Variants in CACNA2D4 observed in about 807,000 individuals in gnomAD.
CACNA2D4 encodes the protein calcium voltage-gated channel auxiliary subunit alpha2delta 4.
In CACNA2D4, 157 loss-of-function variants were observed where a neutral mutation model predicts 163.8. That is an observed-to-expected ratio of 0.96 (90% confidence interval 0.84 to 1.09). CACNA2D4 has a LOEUF of 1.09. CACNA2D4 is among the 50% of genes least tolerant of loss of function. CACNA2D4 has a pLI of 0.00. For missense variants in CACNA2D4, 1,410 were observed against 1,479.9 expected, an observed-to-expected ratio of 0.95 and a Z score of 0.78; for synonymous variants, 598 against 586.9, an observed-to-expected ratio of 1.02 and a Z score of -0.27.
At chr12:1,822,958 C>A (rs1217662353) in intron 26 of CACNA2D4, among the ~76,000 whole-genome samples, 1 of 152,214 alleles carries the variant, frequency 6.6e-6, no homozygotes. Flanking sequence ...ACGGCCCCTG[C>A]AGGCCCAGGG....
rs1271862376 is a variant in CACNA2D4, at chr12:1,799,596, A to G, written c.2995+79T>C. ...CTTGGGGTCATTCCTGGGACAGGTC[A>G]TGGAGGGTGGGTTCTTTGTAGCTCC... On this transcript the variant is annotated intron_variant, in intron 34 of 37. Transcript: ENST00000382722. The surrounding 1 kb of genome is among the most constrained non-coding windows in gnomAD (Gnocchi z 4.7). The G allele has an allele frequency of 6.9e-7, 1 of 1,452,122 alleles. No homozygotes were observed. The highest frequency in any genetic ancestry group is 9.5e-7 in the Non-Finnish European group (1 of 1,057,298). 90.0% of individuals were successfully genotyped at this position (1,452,122 alleles called of 1,614,324 possible). A position where few individuals can be genotyped will look rare whatever the true frequency, so the allele number is the denominator to read the frequency against.
At chr12:1,906,529 C>T (rs1218857575) in intron 6 of CACNA2D4, among the ~76,000 whole-genome samples, 6 of 152,154 alleles carry the variant, frequency 3.9e-5, no homozygotes, top group African/African-American at 9.7e-5. Context: ...CTGACTGATG[C>T]GTTCACATCT....
chr12:1,892,400 C>T lies in CACNA2D4; in HGVS notation c.782-5331G>A, dbSNP rs117741486. On this transcript the variant is annotated intron_variant, in intron 6 of 37. Transcript: ENST00000382722. Reference sequence around the variant, plus strand: ...ATTCATCACCACTAGACTTGCTCTACAAGAAATTCTTGAATTGTCCTGAAA... The same window carrying T: ...ATTCATCACCACTAGACTTGCTCTATAAGAAATTCTTGAATTGTCCTGAAA... Among the ~76,000 whole-genome samples the T allele has an allele frequency of 6.7e-4, 102 of 152,266 alleles. No individual in the cohort carries two copies. In the East Asian group the frequency reaches 0.018, roughly 27 times the overall value.
Position 1,834,711 on chromosome 12 carries a change from C to T in CACNA2D4, c.2551+6028G>A. 1 of 1,592,648 alleles carries T rather than the reference C, an allele frequency of 6.3e-7. No individual in the cohort carries two copies. Among genetic ancestry groups the T allele is most frequent in the African/African-American group, 1.3e-5 (1 of 74,742 alleles). On this transcript the variant is annotated intron_variant, in intron 26 of 37. Coordinates refer to ENST00000382722, the MANE Select transcript of CACNA2D4 (RefSeq NM_172364.5). The surrounding 1 kb of genome is among the most constrained non-coding windows in gnomAD (Gnocchi z 7.6). ...CACGAGGACCAGAAGCAGATCTCTT[C>T]TGTGGCCTGAGCGCCCATCCCCACC...
rs1298475700 is a variant in CACNA2D4 at position 1,844,724 on chromosome 12, A to G, written c.2343-195T>C. On this transcript the variant is annotated intron_variant, in intron 24 of 37. Transcript: ENST00000382722. The surrounding 1 kb of genome is among the most constrained non-coding windows in gnomAD (Gnocchi z 4.2). ...AAACGATGTCATGTTGCATCTAGCT[A>G]GCAGCTGGAAGAGGCATAGGGTCTG... Among the ~76,000 whole-genome samples, 8 of 152,240 alleles carry G rather than the reference A, an allele frequency of 5.3e-5. No homozygotes were observed. The highest frequency in any genetic ancestry group is 1.3e-4 in the Admixed American group (2 of 15,288).
intron 31 of CACNA2D4, 140 bp from the exon 32 acceptor site, chr12:1,800,578 A>C (rs1863281364): frequency 1.2e-5 from 9 of 775,586 alleles, no homozygotes; most frequent in Non-Finnish European, 1.9e-5. Context: ...AGCACAGGCC[A>C]GCAGCCCAGC....
At chr12:1,858,548 CTG>C in intron 20 of CACNA2D4, 27 bp downstream of exon 20, 1 of 1,606,544 alleles carries the variant, frequency 6.2e-7, no homozygotes, top group Non-Finnish European at 8.5e-7. Context: ...TTCTGCTTAA[CTG>C]TCCCTCAGCC....
chr12:1,893,966 T>C (rs911429666), intron 6 of CACNA2D4, among the ~76,000 whole-genome samples: 7 of 151,824 alleles, frequency 4.6e-5, no homozygotes, highest in African/African-American at 1.7e-4. Flanking sequence ...AAATGAAAAG[T>C]TGGTTTTTGA....
At chr12:1,909,831 C>T (rs1235505379) in intron 4 of CACNA2D4, 75 bp downstream of exon 4, 1 of 1,326,022 alleles carries the variant, frequency 7.5e-7, no homozygotes, top group East Asian at 2.3e-5. Flanking sequence ...ACGCCGCCAC[C>T]CTATGCCGCC....
rs1489602021 is a variant in CACNA2D4 at position 1,799,335 on chromosome 12, C to T, written c.2995+340G>A. Among the ~76,000 whole-genome samples the T allele has an allele frequency of 2.0e-5, 3 of 152,276 alleles. No homozygotes were observed. The highest frequency in any genetic ancestry group is 2.0e-4 in the Admixed American group (3 of 15,310). On this transcript the variant is annotated intron_variant, in intron 34 of 37. Transcript: ENST00000382722. The surrounding 1 kb of genome is among the most constrained non-coding windows in gnomAD (Gnocchi z 4.7). ...GGAGTCCCGCTGAGGGCTGGGGTGCCGCTGTTTGCTTCTCCAAGGGGTGGG... is the reference window on the plus strand; with the variant it reads ...GGAGTCCCGCTGAGGGCTGGGGTGCTGCTGTTTGCTTCTCCAAGGGGTGGG...
At chr12:1,805,476 T>G (rs1863502781) in intron 29 of CACNA2D4, among the ~76,000 whole-genome samples, 1 of 152,212 alleles carries the variant, frequency 6.6e-6, no homozygotes, top group African/African-American at 2.4e-5. Flanking sequence ...CTAAGGGGTG[T>G]GGACACTCAA....
intron 6 of CACNA2D4, among the ~76,000 whole-genome samples, chr12:1,899,707 A>T (rs1225400750): frequency 2.0e-5 from 3 of 152,196 alleles, no homozygotes; most frequent in South Asian, 2.1e-4. Flanking sequence ...TTTGAGGAAA[A>T]GATCATTCTA....
intron 13 of CACNA2D4, 127 bp from the exon 14 acceptor site, chr12:1,880,008 G>GA: frequency 1.7e-6 from 1 of 601,976 alleles, no homozygotes; most frequent in Non-Finnish European, 3.0e-6. Flanking sequence ...CTTCCCACAG[G>GA]AAGGAGGAAA....
intron 3 of CACNA2D4, among the ~76,000 whole-genome samples, chr12:1,911,021 ATTTTTTTT>A (rs374264665): frequency 7.5e-6 from 1 of 133,482 alleles, no homozygotes; most frequent in Non-Finnish European, 1.6e-5. Context: ...CCGCAATACA[ATTTTTTTT>A]TTTTTTTTTT....
chr12:1,805,784 C>T (rs912757101), intron 29 of CACNA2D4, among the ~76,000 whole-genome samples: 3 of 152,232 alleles, frequency 2.0e-5, no homozygotes, highest in Non-Finnish European at 4.4e-5. Flanking sequence ...GCTGCCAGGG[C>T]ATGTGGTGTC....
At chr12:1,800,199 G>T in intron 32 of CACNA2D4, 147 bp from the exon 33 acceptor site, 2 of 969,754 alleles carry the variant, frequency 2.1e-6, no homozygotes, top group Non-Finnish European at 1.6e-6. Flanking sequence ...GTTGAGCAAT[G>T]AGGTCCCTCC....
chr12:1,903,522 G>GA (rs898511883), intron 6 of CACNA2D4, among the ~76,000 whole-genome samples: 23 of 151,138 alleles, frequency 1.5e-4, no homozygotes, highest in African/African-American at 4.4e-4. Context: ...AACTCGGTGG[G>GA]AAAAAAAATC....
chr12:1,850,125 A>G (rs1052907744), intron 23 of CACNA2D4, among the ~76,000 whole-genome samples: 1 of 152,224 alleles, frequency 6.6e-6, no homozygotes, highest in Non-Finnish European at 1.5e-5. Flanking sequence ...GTAAATGTAC[A>G]TGAAATTGTG....
At chr12:1,873,244 G>A (rs116589840) in intron 18 of CACNA2D4, among the ~76,000 whole-genome samples, 1,720 of 152,256 alleles carry the variant, frequency 0.011, 29 homozygotes, top group African/African-American at 0.04. Flanking sequence ...GGTCATGATC[G>A]TCGTCATCCT....
Sources: allele counts gnomAD v4.1 joint callset (sites outside exome capture counted in the v4.1 genomes callset), GRCh38; gene constraint gnomAD v4.1.1; non-coding constraint Gnocchi (gnomAD v3.1); transcripts MANE v1.5; gene names NCBI Gene and HGNC (gene_info 2026-07-23, HGNC 2026-07-21).